The following NMNAT2 variants were observed in gnomAD, a reference collection of about 807,000 sequenced individuals.
NMNAT2 encodes the protein nicotinamide nucleotide adenylyltransferase 2, also known as nicotinamide/nicotinic acid mononucleotide adenylyltransferase 2.
Under a neutral mutation model 41.6 loss-of-function variants are expected in NMNAT2, and 11 were observed. The ratio of observed to expected loss-of-function variants is 0.26; its 90% CI spans 0.17 to 0.44. The LOEUF (loss-of-function observed/expected upper bound fraction) is 0.44. Among genes scored for constraint, NMNAT2 ranks in the 20% least tolerant of loss-of-function variants. NMNAT2 has a pLI of 1.00. For synonymous variants in NMNAT2, 148 were observed against 151.2 expected (o/e 0.98, Z 0.16); for missense variants, 288 against 407.7 (o/e 0.71, Z 2.53).
At chr1:183,411,101 T>C (rs1649104229) in intron 1 of NMNAT2, among the ~76,000 whole-genome samples, 1 of 152,180 alleles carries the variant, frequency 6.6e-6, no homozygotes, top group African/African-American at 2.4e-5. Context: ...TAATGGCCCA[T>C]CTACCATGTC....
intron 1 of NMNAT2, among the ~76,000 whole-genome samples, chr1:183,359,878 A>G (rs1353926246): frequency 6.6e-6 from 1 of 152,216 alleles, no homozygotes; most frequent in African/African-American, 2.4e-5. Flanking sequence ...GACACCTGCA[A>G]GATAATGATA....
intron 1 of NMNAT2, among the ~76,000 whole-genome samples, chr1:183,308,104 A>G (rs1662037765): frequency 6.6e-6 from 1 of 151,844 alleles, no homozygotes; most frequent in African/African-American, 2.4e-5. Flanking sequence ...GCGATGGATG[A>G]CCCTCCTTGG....
At chr1:183,328,538 C>G (rs1662515821) in intron 1 of NMNAT2, among the ~76,000 whole-genome samples, 1 of 152,202 alleles carries the variant, frequency 6.6e-6, no homozygotes, top group East Asian at 1.9e-4. Flanking sequence ...CTAGCCAGCC[C>G]CATGAGTCAG....
chr1:183,326,453 A>C (rs1662466113), intron 1 of NMNAT2, among the ~76,000 whole-genome samples: 1 of 150,090 alleles, frequency 6.7e-6, no homozygotes, highest in African/African-American at 2.4e-5. Flanking sequence ...ATATGTTGTG[A>C]GGAAGAAATA....
chr1:183,342,261 T>C (rs1336427418), intron 1 of NMNAT2, among the ~76,000 whole-genome samples: 1 of 151,930 alleles, frequency 6.6e-6, no homozygotes, highest in Non-Finnish European at 1.5e-5. Flanking sequence ...GAGGCTGAGA[T>C]GGGAGGATTG....
chr1:183,312,216 C>T (rs1236898357), intron 1 of NMNAT2, among the ~76,000 whole-genome samples: 3 of 151,304 alleles, frequency 2.0e-5, no homozygotes, highest in African/African-American at 7.3e-5. Context: ...TTTTGGTAGG[C>T]ACATTAGTCA....
At chr1:183,290,381 C>T (rs1661509614) in intron 3 of NMNAT2, among the ~76,000 whole-genome samples, 175 bp from the exon 4 acceptor site, 1 of 152,194 alleles carries the variant, frequency 6.6e-6, no homozygotes, top group East Asian at 1.9e-4. Flanking sequence ...CAGTTTCCTC[C>T]TCTGTAAAAT....
Position 183,278,577 on chromosome 1 carries a change from G to T in NMNAT2, c.627C>A (p.Ile209=). 6.2e-7 allele frequency: 1 copy of T among 1,613,634 alleles called. No homozygotes were observed. Among genetic ancestry groups the T allele is most frequent in the Non-Finnish European group, 8.5e-7 (1 of 1,179,570 alleles). ...CATCTGCCTCGTTCCAGAGCCCTGGGATGCAGAAGGACTCCAGCAGGTCAC... is the reference window on the plus strand; with the variant it reads ...CATCTGCCTCGTTCCAGAGCCCTGGTATGCAGAAGGACTCCAGCAGGTCAC... ...CGSDLLESFC[I]PGLWNEADME... The change falls in exon 8 of 11, where the codon ATC becomes ATA. Residue 209 remains isoleucine (I), a synonymous_variant. Transcript: ENST00000287713.
chr1:183,294,188 C>T (rs1301786610), intron 1 of NMNAT2, among the ~76,000 whole-genome samples: 1 of 150,870 alleles, frequency 6.6e-6, no homozygotes, highest in Non-Finnish European at 1.5e-5. Flanking sequence ...ATAAAAGCCT[C>T]CTTATAATAT....
chr1:183,260,875 C>T (rs982588245), intron 10 of NMNAT2, 127 bp downstream of exon 10: 5 of 643,934 alleles, frequency 7.8e-6, no homozygotes, highest in Non-Finnish European at 1.4e-5. Context: ...GAGGTCCAAA[C>T]AGGAAGCTAA....
intron 4 of NMNAT2, among the ~76,000 whole-genome samples, chr1:183,287,984 T>C (rs1558117751): frequency 6.6e-6 from 1 of 152,120 alleles, no homozygotes; most frequent in Non-Finnish European, 1.5e-5. Context: ...GGGAGCCAGC[T>C]GGGGTGGGTA....
intron 3 of NMNAT2, among the ~76,000 whole-genome samples, chr1:183,291,723 T>C (rs1001015172): frequency 2.6e-5 from 4 of 152,112 alleles, no homozygotes; most frequent in African/African-American, 9.7e-5. Context: ...GGACTTACAA[T>C]GTTAAGAGGC....
chr1:183,291,264 C>T (rs1179480790), intron 3 of NMNAT2, among the ~76,000 whole-genome samples: 2 of 152,068 alleles, frequency 1.3e-5, no homozygotes, highest in Non-Finnish European at 2.9e-5. Context: ...ACACCACCAC[C>T]CTACCCCACC....
At chr1:183,273,227 C>T (rs758233732) in intron 8 of NMNAT2, among the ~76,000 whole-genome samples, 1 of 152,238 alleles carries the variant, frequency 6.6e-6, no homozygotes, top group Non-Finnish European at 1.5e-5. Flanking sequence ...TGAGAGCCTA[C>T]TCTGGCATGG....
chr1:183,411,449 A>C (rs550402872), intron 1 of NMNAT2, among the ~76,000 whole-genome samples: 1 of 152,284 alleles, frequency 6.6e-6, no homozygotes, highest in East Asian at 1.9e-4. Flanking sequence ...GATTACAGGC[A>C]TGCACCACCA....
chr1:183,303,609 A>G lies in NMNAT2; in HGVS notation c.86-9816T>C, dbSNP rs546849212. Among the ~76,000 whole-genome samples the G allele has an allele frequency of 7.9e-5, 12 of 152,228 alleles. No individual in the cohort carries two copies. In the East Asian group the frequency reaches 1.4e-3, roughly 17 times the overall value. ...CCCAGATCCTTTCGTTCCAGTCTGG[A>G]TAGTTTTGGGAAGCAGGGAGCTGGG... On this transcript the variant is annotated intron_variant, in intron 1 of 10. Coordinates refer to ENST00000287713, the MANE Select transcript of NMNAT2 (RefSeq NM_015039.4).
At chr1:183,253,339 A>G (rs772956892) in intron 10 of NMNAT2, among the ~76,000 whole-genome samples, 5 of 148,340 alleles carry the variant, frequency 3.4e-5, no homozygotes, top group Non-Finnish European at 5.9e-5. Flanking sequence ...TTAATATTAT[A>G]TTATTTATAT....
At position 183,251,113 on chromosome 1, in the gene NMNAT2, A is replaced by T. The variant is rs1390352903; in HGVS notation, c.*1528T>A. 1 of 152,228 alleles carries T rather than the reference A, an allele frequency of 6.6e-6. No homozygotes were observed. Among genetic ancestry groups the T allele is most frequent in the African/African-American group, 2.4e-5 (1 of 41,456 alleles). 9.4% of individuals were successfully genotyped at this position (152,228 alleles called of 1,614,324 possible). A position where few individuals can be genotyped will look rare whatever the true frequency, so the allele number is the denominator to read the frequency against. The stretch of plus-strand genomic sequence containing the variant: ...AAAGCTGGCAAAACTGTCTGCAGGA[A>T]CAGAGAGGAAGGTAGAAAATTAGAG... On this transcript the variant is annotated 3_prime_UTR_variant, in exon 11 of 11. Coordinates refer to ENST00000287713, the MANE Select transcript of NMNAT2 (RefSeq NM_015039.4).
At chr1:183,346,305 C>T (rs1328202497) in intron 1 of NMNAT2, among the ~76,000 whole-genome samples, 1 of 152,184 alleles carries the variant, frequency 6.6e-6, no homozygotes, top group East Asian at 1.9e-4. Context: ...ACTTGCCTTT[C>T]CTCCACCCTT....
Sources: allele counts gnomAD v4.1 joint callset (sites outside exome capture counted in the v4.1 genomes callset), GRCh38; gene constraint gnomAD v4.1.1; transcripts MANE v1.5; gene names NCBI Gene and HGNC (gene_info 2026-07-23, HGNC 2026-07-21).